Variants in SCN1A observed in about 807,000 individuals in gnomAD.
The protein encoded by SCN1A is sodium voltage-gated channel alpha subunit 1.
SCN1A carries 13 observed loss-of-function variants against 193.7 expected under a neutral mutation model. The ratio of observed to expected loss-of-function variants is 0.07; its 90% CI spans 0.04 to 0.11. The LOEUF (loss-of-function observed/expected upper bound fraction) is 0.11, where lower values mean the gene tolerates loss of function less well. Ranked by LOEUF, SCN1A falls within the 10% of genes least tolerant of loss-of-function variation. The probability of loss-of-function intolerance (pLI) is 1.00; values close to 1 mark genes in which losing one functional copy is unlikely to be tolerated. For missense variants in SCN1A, 1,432 were observed against 2,451.1 expected (o/e 0.58, Z 8.78); for synonymous variants, 781 against 843.6 (o/e 0.93, Z 1.29).
At position 166,122,744 on chromosome 2, in the gene SCN1A, T is replaced by C. The variant is rs538315583; in HGVS notation, c.-142+4180A>G. Among the ~76,000 whole-genome samples the C allele has an allele frequency of 2.0e-5, 3 of 152,188 alleles. No individual in the cohort carries two copies. The East Asian group carries it at 5.8e-4, about 29-fold the overall frequency. ...AAGTTGACTCAGAATGAATCCTAGA[T>C]CTAAATGCAAGAGCTAAAATTATAC... On this transcript the variant is annotated intron_variant, in intron 2 of 28. Transcript: ENST00000674923.
In SCN1A at chr2:165,989,747, A is replaced by T. The variant is rs2105411632; in HGVS notation, c.*1498T>A. The T allele has an allele frequency of 6.5e-6, 1 of 152,734 alleles. No homozygotes were observed. Among genetic ancestry groups the T allele is most frequent in the South Asian group, 2.1e-4 (1 of 4,834 alleles). The allele number at this position is 152,734 out of a possible 1,614,324, so 9.5% of individuals were successfully genotyped here. On this transcript the variant is annotated 3_prime_UTR_variant, in exon 29 of 29. Transcript: ENST00000674923. Reference sequence around the variant, plus strand: ...AGTAAGAAAAGTGATTGTGATATCAACCTGAAGATAATTTCCTCTTCATAT... The same window carrying T: ...AGTAAGAAAAGTGATTGTGATATCATCCTGAAGATAATTTCCTCTTCATAT...
At chr2:166,147,769 A>T (rs1460666871) in intron 1 of SCN1A, among the ~76,000 whole-genome samples, 1 of 152,226 alleles carries the variant, frequency 6.6e-6, no homozygotes, top group Non-Finnish European at 1.5e-5. Flanking sequence ...AATACAGCAT[A>T]CAATTGTAAG....
upstream of SCN1A, among the ~76,000 whole-genome samples, chr2:166,129,092 CCTTCT>C (rs1453135057): frequency 6.6e-6 from 1 of 152,050 alleles, no homozygotes; most frequent in Non-Finnish European, 1.5e-5. Flanking sequence ...AATATTTAAT[CCTTCT>C]CTTCCTTATT....
At chr2:166,140,213 T>C (rs1692024535) in intron 1 of SCN1A, among the ~76,000 whole-genome samples, 1 of 152,136 alleles carries the variant, frequency 6.6e-6, no homozygotes, top group Non-Finnish European at 1.5e-5. Context: ...CATAAGGCCA[T>C]ACTAAAACTC....
chr2:166,080,018 A>G (rs1418239558), intron 2 of SCN1A, among the ~76,000 whole-genome samples: 1 of 151,660 alleles, frequency 6.6e-6, no homozygotes, highest in African/African-American at 2.4e-5. Context: ...AAACTGTCAG[A>G]TGTCATTCAA....
At chr2:166,078,192 T>A (rs1172956196) in intron 2 of SCN1A, among the ~76,000 whole-genome samples, 1 of 151,684 alleles carries the variant, frequency 6.6e-6, no homozygotes, top group African/African-American at 2.4e-5. Context: ...TCAAATTGGG[T>A]TCATCAGTTG....
intron 19 of SCN1A, among the ~76,000 whole-genome samples, chr2:166,017,693 A>G (rs902751843): frequency 6.6e-6 from 1 of 152,084 alleles, no homozygotes; most frequent in Non-Finnish European, 1.5e-5. Flanking sequence ...TGAAACAATT[A>G]GAGAGTGGAA....
intron 5 of SCN1A, among the ~76,000 whole-genome samples, chr2:166,056,753 T>G (rs1052131655): frequency 5.3e-5 from 8 of 152,098 alleles, no homozygotes; most frequent in African/African-American, 9.7e-5. Flanking sequence ...GTATAAGGTG[T>G]TGTTTTTACA....
At chr2:165,984,858 T>C (rs1479740404), downstream of SCN1A, 2 of 152,210 alleles carry the variant, frequency 1.3e-5, no homozygotes, top group African/African-American at 2.4e-5. Flanking sequence ...TCCCTCATAA[T>C]GTTACTGGGA....
Position 166,012,319 on chromosome 2 carries a change from A to G in SCN1A, c.3706-37T>C, listed in dbSNP as rs567204010. ...ATGTTACACATTATTAGCTTTCAAA[A>G]ATAATTATACTCCATAAGCTATTTA... On this transcript the variant is annotated intron_variant, in intron 21 of 28. Transcript: ENST00000674923. 30 of 1,497,078 alleles carry G rather than the reference A, an allele frequency of 2.0e-5. No homozygotes were observed. In the African/African-American group the frequency reaches 3.9e-4, roughly 19 times the overall value. The allele number at this position is 1,497,078 out of a possible 1,614,324, so 92.7% of individuals were successfully genotyped here. A position where few individuals can be genotyped will look rare whatever the true frequency, so the allele number is the denominator to read the frequency against.
chr2:165,991,032 C>T lies in SCN1A; in HGVS notation c.*213G>A, dbSNP rs1473142639. 3.6e-6 allele frequency: 2 copies of T among 556,350 alleles called. No individual in the cohort carries two copies. The highest frequency in any genetic ancestry group is 6.4e-6 in the Non-Finnish European group (2 of 314,010). The allele number at this position is 556,350 out of a possible 1,614,324, so 34.5% of individuals were successfully genotyped here. On this transcript the variant is annotated 3_prime_UTR_variant, in exon 29 of 29. Coordinates refer to ENST00000674923, the MANE Select transcript of SCN1A (RefSeq NM_001165963.4). ...CAGCAGTGTCAGCTGGTAGTGAGAA[C>T]AGTAACCTCCTGTCAAGGTCATCTC...
chr2:166,064,239 T>C (rs7607454), intron 4 of SCN1A, among the ~76,000 whole-genome samples: 32,841 of 152,002 alleles, frequency 0.22, 3,816 homozygotes, highest in East Asian at 0.36. Context: ...TGTGACTCAG[T>C]TATCTCACTT....
intron 2 of SCN1A, among the ~76,000 whole-genome samples, chr2:166,086,938 T>G (rs1686193628): frequency 6.6e-6 from 1 of 152,076 alleles, no homozygotes; most frequent in South Asian, 2.1e-4. Context: ...ACAGCAGATG[T>G]GACATTGAGC....
At position 166,047,836 on chromosome 2, in the gene SCN1A, G is replaced by A. The variant is rs1461193; in HGVS notation, c.1029-68C>T. 0.71 allele frequency: 1,128,059 copies of A among 1,595,946 alleles called. 401,199 individuals carry two copies. Among genetic ancestry groups the A allele is most frequent in the East Asian group, 0.89 (40,012 of 44,716 alleles). On this transcript the variant is annotated intron_variant, in intron 10 of 28. Transcript: ENST00000674923. ...CCTTTTTACTCTGATACTATGCTAT[G>A]ATATTGCCTAGTCAGAAAGATTTGG... is the stretch of plus-strand genomic sequence containing the variant.
At chr2:166,106,181 C>T (rs532303550) in intron 2 of SCN1A, among the ~76,000 whole-genome samples, 2 of 152,096 alleles carry the variant, frequency 1.3e-5, no homozygotes, top group South Asian at 2.1e-4. Context: ...AGCGAGACTC[C>T]GTCTCAAAAC....
chr2:165,991,554 A>G lies in SCN1A; in HGVS notation c.5721T>C (p.Thr1907=), dbSNP rs1052689240. 6.2e-7 allele frequency: 1 copy of G among 1,613,854 alleles called. No individual in the cohort carries two copies. Among genetic ancestry groups the G allele is most frequent in the African/African-American group, 1.3e-5 (1 of 74,904 alleles). The change falls in exon 29 of 29, where the codon ACT becomes ACC. Residue 1907 remains threonine (T), a synonymous_variant. Coordinates refer to ENST00000674923, the MANE Select transcript of SCN1A (RefSeq NM_001165963.4). ...CCTCTTGTTTTCGTTTTAAAGTAGT[A>G]GTGATTGGCTGATAGGAGACCTTGG... The part of the protein sequence containing the change: ...NPSKVSYQPI[T]TTLKRKQEEV...
intron 19 of SCN1A, among the ~76,000 whole-genome samples, chr2:166,027,743 T>C (rs1218274612): frequency 1.3e-5 from 2 of 152,080 alleles, no homozygotes; most frequent in African/African-American, 4.8e-5. Context: ...TCCTAAGTCA[T>C]GCTAAAATGA....
rs550154696 is a variant in SCN1A at position 166,110,536 on chromosome 2, T to C, written c.-142+16388A>G. On this transcript the variant is annotated intron_variant, in intron 2 of 28. Coordinates refer to ENST00000674923, the MANE Select transcript of SCN1A (RefSeq NM_001165963.4). ...ATTCAGAGCAAGGCTCTAACTCTCT[T>C]GAACTCTGTGAAGGCTGAGAGAGGT... Among the ~76,000 whole-genome samples, 27 of 152,316 alleles carry C rather than the reference T, an allele frequency of 1.8e-4. 1 individual carries two copies. Among genetic ancestry groups the C allele is most frequent in the South Asian group, 1.0e-3 (5 of 4,832 alleles).
At chr2:166,004,196 A>AATT (rs1032618811) in intron 23 of SCN1A, among the ~76,000 whole-genome samples, 1 of 151,574 alleles carries the variant, frequency 6.6e-6, no homozygotes, top group African/African-American at 2.4e-5. Flanking sequence ...GGATGAATAG[A>AATT]ATTAGATTTC....
Sources: allele counts gnomAD v4.1 joint callset (sites outside exome capture counted in the v4.1 genomes callset), GRCh38; gene constraint gnomAD v4.1.1; transcripts MANE v1.5; gene names NCBI Gene and HGNC (gene_info 2026-07-23, HGNC 2026-07-21).